Variants in UTP4 observed in about 807,000 individuals in gnomAD.
UTP4 encodes U3 small nucleolar RNA-associated protein 4 homolog.
In UTP4, 45 loss-of-function variants were observed where a neutral mutation model predicts 82.4. The observed-to-expected ratio is 0.55, with a 90% CI of 0.43 to 0.70. UTP4 has a LOEUF of 0.70. Ranked by LOEUF, UTP4 falls within the 30% of genes least tolerant of loss-of-function variation. UTP4 has a pLI of 0.00. For synonymous variants in UTP4, 348 were observed against 300.3 expected (o/e 1.16, Z -1.64); for missense variants, 819 against 858.3 (o/e 0.95, Z 0.57).
chr16:69,136,715 C>T lies in UTP4; in HGVS notation c.179C>T (p.Ser60Phe). 6.2e-7 allele frequency: 1 copy of T among 1,613,964 alleles called. No individual in the cohort carries two copies. The highest frequency in any genetic ancestry group is 8.5e-7 in the Non-Finnish European group (1 of 1,179,910). Reference sequence around the variant, plus strand: ...CTGCAGTTTTTCCCAGGTCATGAGTCTCGGGCTACAGAAGCTTTGTGCTGG... The same window carrying T: ...CTGCAGTTTTTCCCAGGTCATGAGTTTCGGGCTACAGAAGCTTTGTGCTGG... ...FQEKFFPGHE[S>F]RATEALCWAE... Residue 60 changes from serine (S) to phenylalanine (F), a missense_variant, in exon 3 of 17, where the codon TCT (serine) becomes TTT (phenylalanine). By Grantham distance (155) the Ser-to-Phe change is radical. Coordinates refer to ENST00000314423, the MANE Select transcript of UTP4 (RefSeq NM_032830.3).
At chr16:69,166,680 C>T (rs1963710658) in intron 15 of UTP4, 1 of 230,746 alleles carries the variant, frequency 4.3e-6, no homozygotes, top group Non-Finnish European at 8.6e-6. Flanking sequence ...AGCACAGACC[C>T]TGTGTGGGCT....
At chr16:69,142,507 A>G (rs1038446659) in intron 5 of UTP4, among the ~76,000 whole-genome samples, 7 of 152,156 alleles carry the variant, frequency 4.6e-5, no homozygotes, top group South Asian at 2.1e-4. Flanking sequence ...TGAGGGGTCT[A>G]CCAGCTGTTA....
chr16:69,161,563 T>G (rs1963562178), intron 13 of UTP4, among the ~76,000 whole-genome samples: 1 of 151,850 alleles, frequency 6.6e-6, no homozygotes, highest in African/African-American at 2.4e-5. Flanking sequence ...GACTCCCTAT[T>G]CAATGACACA....
At chr16:69,159,991 A>C (rs531582596) in intron 12 of UTP4, among the ~76,000 whole-genome samples, 2 of 151,944 alleles carry the variant, frequency 1.3e-5, no homozygotes, top group Non-Finnish European at 2.9e-5. Flanking sequence ...TCTCAAAAAA[A>C]AAAAAACAAA....
In UTP4 at chr16:69,143,206, C is replaced by G; in HGVS notation, c.555C>G (p.Asp185Glu). 1 of 1,614,204 alleles carries G rather than the reference C, an allele frequency of 6.2e-7. No homozygotes were observed. The highest frequency in any genetic ancestry group is 8.5e-7 in the Non-Finnish European group (1 of 1,180,018). Reference protein sequence around the residue: ...SGSAVHKMIVDRQYMGVSKRK... With the variant: ...SGSAVHKMIVERQYMGVSKRK... ...GCGCTGTTCATAAGATGATTGTGGA[C>G]AGGCAGTATATGGGCGTGTCTAAGC... The change falls in exon 6 of 17, where the codon GAC (aspartate) becomes GAG (glutamate). Residue 185 changes from aspartate (D) to glutamate (E), a missense_variant. Coordinates refer to ENST00000314423, the MANE Select transcript of UTP4 (RefSeq NM_032830.3).
intron 10 of UTP4, among the ~76,000 whole-genome samples, chr16:69,155,321 G>A (rs1470244293): frequency 6.6e-6 from 1 of 152,016 alleles, no homozygotes; most frequent in African/African-American, 2.4e-5. Flanking sequence ...CTACAGGTGT[G>A]CACCACCATG....
At chr16:69,157,336 C>A in intron 12 of UTP4, 96 bp downstream of exon 12, 4 of 1,227,364 alleles carry the variant, frequency 3.3e-6, no homozygotes, top group Non-Finnish European at 2.3e-6. Flanking sequence ...CCTCATGTTC[C>A]TCCTACCCTG....
intron 12 of UTP4, 48 bp from the exon 13 acceptor site, chr16:69,160,308 C>G (rs1304169698): frequency 3.1e-5 from 45 of 1,448,120 alleles, no homozygotes; most frequent in Non-Finnish European, 4.3e-5. Context: ...GCAGGTCTGG[C>G]TGTGGACACT....
chr16:69,154,443 C>T lies in UTP4; in HGVS notation c.1150C>T (p.His384Tyr), dbSNP rs1393188669. 1 of 1,611,490 alleles carries T rather than the reference C, an allele frequency of 6.2e-7. No homozygotes were observed. Among genetic ancestry groups the T allele is most frequent in the African/African-American group, 1.3e-5 (1 of 74,864 alleles). The change falls in exon 10 of 17, where the codon CAC becomes TAC. Residue 384 changes from histidine (H) to tyrosine (Y), a missense_variant. Transcript: ENST00000314423. ...PLSKNADHLL[H>Y]LKTKGPENII... ...CTCTAAAAATGCAGATCATTTACTG[C>T]ACCTAAAGACAAAGGTAAGGAAGTT...
At position 69,155,786 on chromosome 16, in the gene UTP4, G is replaced by A. The variant is rs1963393537; in HGVS notation, c.1165-85G>A. The stretch of plus-strand genomic sequence containing the variant: ...AGATATCTGTGGGTATGTCCAGAGT[G>A]GCAAGAGCTTGAGGCGTCATGTCCC... On this transcript the variant is annotated intron_variant, in intron 10 of 16. Transcript: ENST00000314423. 8 of 1,397,832 alleles carry A rather than the reference G, an allele frequency of 5.7e-6. No individual in the cohort carries two copies. In the East Asian group the frequency reaches 1.8e-4, roughly 32 times the overall value. 86.6% of individuals were successfully genotyped at this position (1,397,832 alleles called of 1,614,324 possible).
At chr16:69,165,907 G>T (rs1963690541) in intron 15 of UTP4, 1 of 369,620 alleles carries the variant, frequency 2.7e-6, no homozygotes, top group African/African-American at 2.1e-5. Flanking sequence ...GAACTCTGGG[G>T]TATCTGAATA....
Position 69,143,189 on chromosome 16 carries a change from C to T in UTP4, c.538C>T (p.His180Tyr). The change falls in exon 6 of 17, where the codon CAT becomes TAT. Residue 180 changes from histidine (H) to tyrosine (Y), a missense_variant. Physicochemically the swap from His to Tyr is moderately conservative, Grantham distance 83. Coordinates refer to ENST00000314423, the MANE Select transcript of UTP4 (RefSeq NM_032830.3). Reference sequence around the variant, plus strand: ...TTCTGATTTTTCAGGCAGCGCTGTTCATAAGATGATTGTGGACAGGCAGTA... The same window carrying T: ...TTCTGATTTTTCAGGCAGCGCTGTTTATAAGATGATTGTGGACAGGCAGTA... Reference protein sequence around the residue: ...VFDVKSGSAVHKMIVDRQYMG... With the variant: ...VFDVKSGSAVYKMIVDRQYMG... The T allele has an allele frequency of 6.2e-7, 1 of 1,614,196 alleles. No homozygotes were observed.
At chr16:69,137,947 CTGGGGA>C (rs1291894992) in intron 4 of UTP4, 62 bp downstream of exon 4, 1 of 985,722 alleles carries the variant, frequency 1.0e-6, no homozygotes, top group Non-Finnish European at 1.6e-6. Context: ...TTCTGTGCCA[CTGGGGA>C]TGGGATATTT....
At chr16:69,150,110 T>G (rs1378503369) in intron 6 of UTP4, among the ~76,000 whole-genome samples, 4 of 152,218 alleles carry the variant, frequency 2.6e-5, no homozygotes, top group Non-Finnish European at 2.9e-5. Flanking sequence ...TTCAGTATTT[T>G]TATTGGTTTA....
chr16:69,141,501 A>G (rs1431247331), intron 5 of UTP4, among the ~76,000 whole-genome samples: 1 of 151,802 alleles, frequency 6.6e-6, no homozygotes, highest in African/African-American at 2.4e-5. Flanking sequence ...TTCCCCCAGG[A>G]GCTTTTAGGA....
chr16:69,165,284 C>T, intron 14 of UTP4, 57 bp from the exon 15 acceptor site: 1 of 1,441,930 alleles, frequency 6.9e-7, no homozygotes, highest in South Asian at 1.1e-5. Flanking sequence ...GATGAGAATG[C>T]CCTTCTGGTC....
chr16:69,163,135 C>A lies in UTP4; in HGVS notation c.1604C>A (p.Ala535Asp), dbSNP rs1410095612. The change falls in exon 14 of 17, where the codon GCC becomes GAC. Residue 535 changes from alanine (A) to aspartate (D), a missense_variant. Coordinates refer to ENST00000314423, the MANE Select transcript of UTP4 (RefSeq NM_032830.3). The stretch of plus-strand genomic sequence containing the variant: ...TTCCCAGTGACTGCTATGGCTATTG[C>A]CCCCAATACCAACAACCTTGTCATC... ...YNFPVTAMAI[A>D]PNTNNLVIAH... The A allele has an allele frequency of 6.2e-7, 1 of 1,614,074 alleles. No homozygotes were observed. The highest frequency in any genetic ancestry group is 1.1e-5 in the South Asian group (1 of 91,090).
chr16:69,147,181 T>TAAC (rs1963139865), intron 6 of UTP4, among the ~76,000 whole-genome samples: 1 of 77,812 alleles, frequency 1.3e-5, no homozygotes, highest in African/African-American at 6.0e-5. Flanking sequence ...CAGCTCAAAA[T>TAAC]AATAATAATA....
chr16:69,145,149 C>CAATAATAATAAT (rs917951120), intron 6 of UTP4, among the ~76,000 whole-genome samples: 16 of 151,004 alleles, frequency 1.1e-4, no homozygotes, highest in African/African-American at 3.7e-4. Context: ...TCTCAAATAA[C>CAATAATAATAAT]AATAATAATA....
Sources: allele counts gnomAD v4.1 joint callset (sites outside exome capture counted in the v4.1 genomes callset), GRCh38; gene constraint gnomAD v4.1.1; transcripts MANE v1.5; gene names NCBI Gene and HGNC (gene_info 2026-07-23, HGNC 2026-07-21).